The following LCMT2 variants were observed in gnomAD, a reference collection of about 807,000 sequenced individuals.
The protein encoded by LCMT2 is tRNA wybutosine-synthesizing protein 4.
Under a neutral mutation model 42.0 loss-of-function variants are expected in LCMT2, and 34 were observed. That is an observed-to-expected ratio of 0.81 (90% CI 0.62 to 1.08). LCMT2 has a LOEUF of 1.08. Ranked by LOEUF, LCMT2 falls within the 50% of genes least tolerant of loss-of-function variation. The probability of loss-of-function intolerance (pLI) is 0.00; values close to 1 mark genes in which losing one functional copy is unlikely to be tolerated. For missense variants in LCMT2, 1,091 were observed against 889.4 expected, an observed-to-expected ratio of 1.23 and a Z score of -2.88; for synonymous variants, 445 against 369.5, an observed-to-expected ratio of 1.20 and a Z score of -2.34.
In LCMT2 at chr15:43,327,127, A is replaced by T. The variant is rs1404623473; in HGVS notation, c.*1302T>A. 1.3e-5 allele frequency: 2 copies of T among 152,200 alleles called. No individual in the cohort carries two copies. Among genetic ancestry groups the T allele is most frequent in the African/African-American group, 4.8e-5 (2 of 41,444 alleles). 9.4% of individuals were successfully genotyped at this position (152,200 alleles called of 1,614,324 possible). ...CACTAGGCAACAGATTCCCATTTAA[A>T]AGGGATAATTGAGTTTAATGGGATG... On this transcript the variant is annotated 3_prime_UTR_variant, in exon 1 of 1. Coordinates refer to ENST00000305641, the MANE Select transcript of LCMT2 (RefSeq NM_014793.5).
rs2043128997 is a variant in LCMT2 at position 43,328,306 on chromosome 15, A to G, written c.*123T>C. The G allele has an allele frequency of 4.6e-6, 5 of 1,081,454 alleles. No homozygotes were observed. The Admixed American group carries it at 7.0e-5, about 15-fold the overall frequency. The allele number at this position is 1,081,454 out of a possible 1,614,324, so 67.0% of individuals were successfully genotyped here. A position where few individuals can be genotyped will look rare whatever the true frequency, so the allele number is the denominator to read the frequency against. On this transcript the variant is annotated 3_prime_UTR_variant, in exon 1 of 1. Transcript: ENST00000305641. ...CAACCTTTTTCACTTTTTGCACTGA[A>G]TAGTGCTAAGGGAAAAAAAGGATGG...
Position 43,328,410 on chromosome 15 carries a change from C to G in LCMT2, c.*19G>C, listed in dbSNP as rs1764199441. 1.2e-6 allele frequency: 2 copies of G among 1,602,082 alleles called. No individual in the cohort carries two copies. Among genetic ancestry groups the G allele is most frequent in the African/African-American group, 1.3e-5 (1 of 74,470 alleles). ...ACTTTATTGTCTACTTTAGTGGGTC[C>G]TGAATATTAGTCCAGTCCTTACTGC... On this transcript the variant is annotated 3_prime_UTR_variant, in exon 1 of 1. Transcript: ENST00000305641.
chr15:43,328,939 C>T lies in LCMT2; in HGVS notation c.1551G>A (p.Gly517=). 1 of 1,614,186 alleles carries T rather than the reference C, an allele frequency of 6.2e-7. No homozygotes were observed. Among genetic ancestry groups the T allele is most frequent in the South Asian group, 1.1e-5 (1 of 91,082 alleles). Residue 517 remains glycine (G), a synonymous_variant, in exon 1 of 1, where the codon GGG becomes GGA. Transcript: ENST00000305641. ...VLSDWHFLHV[G]TMAWVRIPVE... ...CTGGGATCCTGACCCAAGCCATTGT[C>T]CCTACATGGAGGAAATGCCAGTCAC...
chr15:43,329,341 G>A lies in LCMT2; in HGVS notation c.1149C>T (p.His383=), dbSNP rs1274752961. Residue 383 remains histidine, a synonymous_variant, in exon 1 of 1, where the codon CAC becomes CAT. Coordinates refer to ENST00000305641, the MANE Select transcript of LCMT2 (RefSeq NM_014793.5). ...AGGFGEQEGR[H]CRVSQFHLLS... ...GCAAGTGAAACTGGCTCACTCGGCA[G>A]TGCCGCCCCTCCTGCTCTCCAAATC... 1.2e-6 allele frequency: 2 copies of A among 1,614,030 alleles called. No homozygotes were observed. Among genetic ancestry groups the A allele is most frequent in the Non-Finnish European group, 8.5e-7 (1 of 1,180,050 alleles).
In LCMT2 at chr15:43,328,424, A is replaced by T. The variant is rs371945015; in HGVS notation, c.*5T>A. 22 of 1,610,588 alleles carry T rather than the reference A, an allele frequency of 1.4e-5. No individual in the cohort carries two copies. Among genetic ancestry groups the T allele is most frequent in the Non-Finnish European group, 1.9e-5 (22 of 1,178,178 alleles). ...TTTAGTGGGTCCTGAATATTAGTCC[A>T]GTCCTTACTGCCCAGCACTTAAGGA... On this transcript the variant is annotated 3_prime_UTR_variant, in exon 1 of 1. Coordinates refer to ENST00000305641, the MANE Select transcript of LCMT2 (RefSeq NM_014793.5).
Position 43,325,128 on chromosome 15 carries a change from A to G in LCMT2, c.*3301T>C, listed in dbSNP as rs945107935. The G allele has an allele frequency of 6.6e-6, 1 of 152,210 alleles. No homozygotes were observed. Among genetic ancestry groups the G allele is most frequent in the Non-Finnish European group, 1.5e-5 (1 of 68,040 alleles). The allele number at this position is 152,210 out of a possible 1,614,324, so 9.4% of individuals were successfully genotyped here. ...GTTTTCATCTTCACTATTATGATAC[A>G]CTATTTTTGAAACCCTGACCCAGAG... On this transcript the variant is annotated 3_prime_UTR_variant, in exon 1 of 1. Transcript: ENST00000305641.
At position 43,329,189 on chromosome 15, in the gene LCMT2, C is replaced by T; in HGVS notation, c.1301G>A (p.Gly434Glu). The T allele has an allele frequency of 1.2e-6, 2 of 1,614,070 alleles. No homozygotes were observed. Among genetic ancestry groups the T allele is most frequent in the Non-Finnish European group, 1.7e-6 (2 of 1,180,028 alleles). ...TGGACTTACTGGGGACAGTCTCCCTCCCAGAACCAGAACCCGACTCTCTGA... is the reference window on the plus strand; with the variant it reads ...TGGACTTACTGGGGACAGTCTCCCTTCCAGAACCAGAACCCGACTCTCTGA... Reference protein sequence around the residue: ...RLSESRVLVLGGRLSPVSPAL... With the variant: ...RLSESRVLVLEGRLSPVSPAL... Residue 434 changes from glycine (G) to glutamate (E), a missense_variant, in exon 1 of 1, where the codon GGA becomes GAA. By Grantham distance (98) the Gly-to-Glu change is moderately conservative. Transcript: ENST00000305641.
rs1466123817 is a variant in LCMT2, at chr15:43,328,411, T to G, written c.*18A>C. On this transcript the variant is annotated 3_prime_UTR_variant, in exon 1 of 1. Transcript: ENST00000305641. ...CTTTATTGTCTACTTTAGTGGGTCCTGAATATTAGTCCAGTCCTTACTGCC... is the reference window on the plus strand; with the variant it reads ...CTTTATTGTCTACTTTAGTGGGTCCGGAATATTAGTCCAGTCCTTACTGCC... 2 of 1,602,960 alleles carry G rather than the reference T, an allele frequency of 1.2e-6. No homozygotes were observed. Among genetic ancestry groups the G allele is most frequent in the South Asian group, 2.2e-5 (2 of 89,404 alleles).
Position 43,330,549 on chromosome 15 carries a change from A to G in LCMT2, c.-60T>C. On this transcript the variant is annotated 5_prime_UTR_variant, in exon 1 of 1. Transcript: ENST00000305641. ...GGTTGTGAGCCGCCCCTTGGTTAGCACACACCTCACGGACCTCGGTAGGGG... is the reference window on the plus strand; with the variant it reads ...GGTTGTGAGCCGCCCCTTGGTTAGCGCACACCTCACGGACCTCGGTAGGGG... 6.7e-7 allele frequency: 1 copy of G among 1,493,484 alleles called. No individual in the cohort carries two copies. Among genetic ancestry groups the G allele is most frequent in the East Asian group, 2.4e-5 (1 of 41,722 alleles). 92.5% of individuals were successfully genotyped at this position (1,493,484 alleles called of 1,614,324 possible).
rs2043128820 is a variant in LCMT2, at chr15:43,328,269, T to C, written c.*160A>G. On this transcript the variant is annotated 3_prime_UTR_variant, in exon 1 of 1. Transcript: ENST00000305641. ...CTGTAGTGATTGTTTCTAGGTATTT[T>C]ACCTATTTTACCAACCTTTTTCACT... The C allele has an allele frequency of 9.8e-6, 7 of 717,558 alleles. No individual in the cohort carries two copies. In the South Asian group the frequency reaches 1.1e-4, roughly 12 times the overall value. 44.4% of individuals were successfully genotyped at this position (717,558 alleles called of 1,614,324 possible).
Position 43,329,792 on chromosome 15 carries a change from T to G in LCMT2, c.698A>C (p.Gln233Pro). 6.2e-7 allele frequency: 1 copy of G among 1,613,930 alleles called. No homozygotes were observed. The highest frequency in any genetic ancestry group is 8.5e-7 in the Non-Finnish European group (1 of 1,180,046). The change falls in exon 1 of 1, where the codon CAA (glutamine) becomes CCA (proline). Residue 233 changes from glutamine (Q) to proline (P), a missense_variant. Transcript: ENST00000305641. ...GGGGGAGTTTAGCTGCCGAAAATGT[T>G]GCAGCATGAACTGGCCAAAGGCGTC... ...PQDAFGQFMLQHFRQLNSPLH... is the reference protein window; with the variant it reads ...PQDAFGQFMLPHFRQLNSPLH...
chr15:43,328,272 C>A lies in LCMT2; in HGVS notation c.*157G>T, dbSNP rs1596472148. 1.3e-6 allele frequency: 1 copy of A among 750,434 alleles called. No homozygotes were observed. Among genetic ancestry groups the A allele is most frequent in the East Asian group, 2.7e-5 (1 of 37,682 alleles). 46.5% of individuals were successfully genotyped at this position (750,434 alleles called of 1,614,324 possible). On this transcript the variant is annotated 3_prime_UTR_variant, in exon 1 of 1. Transcript: ENST00000305641. Reference sequence around the variant, plus strand: ...TAGTGATTGTTTCTAGGTATTTTACCTATTTTACCAACCTTTTTCACTTTT... The same window carrying A: ...TAGTGATTGTTTCTAGGTATTTTACATATTTTACCAACCTTTTTCACTTTT...
At position 43,328,388 on chromosome 15, in the gene LCMT2, T is replaced by G. The variant is rs1236785146; in HGVS notation, c.*41A>C. ...AGGGTCATCCTATTTGTGGAAAACT[T>G]TATTGTCTACTTTAGTGGGTCCTGA... On this transcript the variant is annotated 3_prime_UTR_variant, in exon 1 of 1. Transcript: ENST00000305641. 3.8e-6 allele frequency: 6 copies of G among 1,565,576 alleles called. No homozygotes were observed. The highest frequency in any genetic ancestry group is 4.3e-6 in the Non-Finnish European group (5 of 1,157,188).
rs2043131976 is a variant in LCMT2, at chr15:43,328,534, T to C, written c.1956A>G (p.Gln652=). 1.2e-6 allele frequency: 2 copies of C among 1,614,222 alleles called. No homozygotes were observed. Among genetic ancestry groups the C allele is most frequent in the Non-Finnish European group, 1.7e-6 (2 of 1,180,038 alleles). ...NHTSILLPEE[Q]QLLLLGGGGN... is the part of the protein sequence containing the mutation. ...CACCACCTCCAAGGAGCAGGAGCTG[T>C]TGCTCTTCAGGAAGAAGGATACTAG... Residue 652 remains glutamine, a synonymous_variant, in exon 1 of 1, where the codon CAA becomes CAG. Transcript: ENST00000305641.
rs775809117 is a variant in LCMT2, at chr15:43,330,443, G to T, written c.47C>A (p.Thr16Asn). ...RERRAGAVQN[T>N]NDSSALSKRS... ...CTTGCTGAGGGCGCTGCTGTCGTTG[G>T]TGTTCTGTACCGCGCCTGCCCGACG... is the stretch of plus-strand genomic sequence containing the variant. The change falls in exon 1 of 1, where the codon ACC becomes AAC. Residue 16 changes from threonine (T) to asparagine (N), a missense_variant. Physicochemically the swap from Thr to Asn is moderately conservative, Grantham distance 65 (BLOSUM62 0). Coordinates refer to ENST00000305641, the MANE Select transcript of LCMT2 (RefSeq NM_014793.5). 1 of 1,552,316 alleles carries T rather than the reference G, an allele frequency of 6.4e-7. No individual in the cohort carries two copies. The highest frequency in any genetic ancestry group is 8.6e-7 in the Non-Finnish European group (1 of 1,156,960).
Position 43,327,876 on chromosome 15 carries a change from C to G in LCMT2, c.*553G>C, listed in dbSNP as rs1040972747. 6 of 153,694 alleles carry G rather than the reference C, an allele frequency of 3.9e-5. No homozygotes were observed. Among genetic ancestry groups the G allele is most frequent in the African/African-American group, 1.4e-4 (6 of 41,464 alleles). 9.5% of individuals were successfully genotyped at this position (153,694 alleles called of 1,614,324 possible). A position where few individuals can be genotyped will look rare whatever the true frequency, so the allele number is the denominator to read the frequency against. Reference sequence around the variant, plus strand: ...AAGTATGTTGGTAAAGGAAGTCCTACAAGTGTTTCCTGTTGTTAAAACTAT... The same window carrying G: ...AAGTATGTTGGTAAAGGAAGTCCTAGAAGTGTTTCCTGTTGTTAAAACTAT... On this transcript the variant is annotated 3_prime_UTR_variant, in exon 1 of 1. Transcript: ENST00000305641.
rs745818377 is a variant in LCMT2 at position 43,330,314 on chromosome 15, C to G, written c.176G>C (p.Arg59Pro). ...APLIHRGYYVRARAVRHCVRA... is the reference protein window; with the variant it reads ...APLIHRGYYVPARAVRHCVRA... ...CACGCAGTGCCTCACGGCGCGTGCGCGGACGTAGTAGCCTCGGTGAATGAG... is the reference window on the plus strand; with the variant it reads ...CACGCAGTGCCTCACGGCGCGTGCGGGGACGTAGTAGCCTCGGTGAATGAG... Residue 59 changes from arginine (R) to proline (P), a missense_variant, in exon 1 of 1, where the codon CGC becomes CCC. Transcript: ENST00000305641. The G allele has an allele frequency of 6.3e-7, 1 of 1,594,092 alleles. No individual in the cohort carries two copies. Among genetic ancestry groups the G allele is most frequent in the Admixed American group, 1.8e-5 (1 of 54,680 alleles).
chr15:43,329,405 G>A lies in LCMT2; in HGVS notation c.1085C>T (p.Ser362Phe). ...VPNLKRYGHA[S>F]VFLSPDVILS... Reference sequence around the variant, plus strand: ...AATAACGTCTGGGCTCAAGAAGACAGAGGCGTGGCCATATCTCTTCAGGTT... The same window carrying A: ...AATAACGTCTGGGCTCAAGAAGACAAAGGCGTGGCCATATCTCTTCAGGTT... Residue 362 changes from serine to phenylalanine, a missense_variant, in exon 1 of 1, where the codon TCT becomes TTT. Ser to Phe is a radical substitution (Grantham distance 155, BLOSUM62 -2). Transcript: ENST00000305641. 1.2e-6 allele frequency: 2 copies of A among 1,614,182 alleles called. No homozygotes were observed. The highest frequency in any genetic ancestry group is 8.5e-7 in the Non-Finnish European group (1 of 1,180,048).
rs533067876 is a variant in LCMT2, at chr15:43,329,934, G to C, written c.556C>G (p.Leu186Val). 21 of 1,612,748 alleles carry C rather than the reference G, an allele frequency of 1.3e-5. No homozygotes were observed. Among genetic ancestry groups the C allele is most frequent in the Middle Eastern group, 1.6e-4 (1 of 6,062 alleles). The stretch of plus-strand genomic sequence containing the variant: ...AGGTAGGTCAGCACCGCCTCGGCCA[G>C]GAGCAGAGTGGGTGAGGCTGCGTCG... ...GLDAASPTLL[L>V]AEAVLTYLEP... The change falls in exon 1 of 1, where the codon CTG (leucine) becomes GTG (valine). Residue 186 changes from leucine to valine, a missense_variant. Transcript: ENST00000305641.
Sources: allele counts gnomAD v4.1 joint callset, GRCh38; gene constraint gnomAD v4.1.1; transcripts MANE v1.5; gene names NCBI Gene and HGNC (gene_info 2026-07-23, HGNC 2026-07-21).